The following PIK3CG variants were observed in gnomAD, a reference collection of about 807,000 sequenced individuals.
The protein encoded by PIK3CG is phosphatidylinositol 4,5-bisphosphate 3-kinase catalytic subunit gamma isoform.
In PIK3CG, 55 loss-of-function variants were observed where a neutral mutation model predicts 102.3. That is an observed-to-expected ratio of 0.54 (90% confidence interval 0.43 to 0.67). PIK3CG has a LOEUF of 0.67. Among genes scored for constraint, PIK3CG ranks in the 30% least tolerant of loss-of-function variants. The pLI, the probability that PIK3CG is intolerant of heterozygous loss-of-function variation, is 0.00. For missense variants in PIK3CG, 1,258 were observed against 1,391.8 expected (o/e 0.90, Z 1.53); for synonymous variants, 552 against 540.0 (o/e 1.02, Z -0.31).
intron 5 of PIK3CG, among the ~76,000 whole-genome samples, chr7:106,876,444 T>C (rs1790744083): frequency 6.7e-6 from 1 of 150,128 alleles, no homozygotes; most frequent in Admixed American, 6.7e-5. Context: ...CAGGGTGGAG[T>C]GCAGAGGCAC....
chr7:106,868,576 C>T lies in PIK3CG; in HGVS notation c.1015C>T (p.Leu339Phe). The T allele has an allele frequency of 1.2e-6, 2 of 1,614,184 alleles. No individual in the cohort carries two copies. The highest frequency in any genetic ancestry group is 1.7e-6 in the Non-Finnish European group (2 of 1,180,042). The stretch of plus-strand genomic sequence containing the variant: ...GGGAGTCACCGGCTACCATGAGCAG[C>T]TTACCATCCACGGCAAGGACCACGA... ...CTGVTGYHEQ[L>F]TIHGKDHESV... Residue 339 changes from leucine (L) to phenylalanine (F), a missense_variant, in exon 2 of 11, where the codon CTT becomes TTT. Physicochemically the swap from Leu to Phe is conservative, Grantham distance 22. Around this residue, in one of 2 missense-constraint regions of PIK3CG, gnomAD observed 832 missense variants for 787.5 expected, o/e 1.06. Transcript: ENST00000496166. The surrounding 1 kb of genome is among the most constrained non-coding windows in gnomAD (Gnocchi z 6.2).
chr7:106,870,929 C>T (rs1423368506), intron 2 of PIK3CG, among the ~76,000 whole-genome samples: 1 of 152,184 alleles, frequency 6.6e-6, no homozygotes, highest in Non-Finnish European at 1.5e-5. Context: ...AGTTTTCTAG[C>T]TCTCCATAAC....
chr7:106,873,092 C>T (rs995205948), intron 4 of PIK3CG, among the ~76,000 whole-genome samples, 154 bp downstream of exon 4: 1 of 152,102 alleles, frequency 6.6e-6, no homozygotes, highest in African/African-American at 2.4e-5. Flanking sequence ...ATGGAGTAAA[C>T]AAATTTAAAG....
Position 106,869,054 on chromosome 7 carries a change from A to G in PIK3CG, c.1493A>G (p.Asn498Ser), listed in dbSNP as rs1456189966. The G allele has an allele frequency of 1.2e-6, 2 of 1,614,206 alleles. No homozygotes were observed. Among genetic ancestry groups the G allele is most frequent in the East Asian group, 2.2e-5 (1 of 44,882 alleles). ...SGKGEDQGSF[N>S]ADKLTSATNP... ...AAGGGAGAAGACCAAGGAAGCTTCA[A>G]TGCTGACAAACTCACGTCTGCAACT... Residue 498 changes from asparagine (N) to serine (S), a missense_variant, in exon 2 of 11, where the codon AAT (asparagine) becomes AGT (serine). Asn to Ser is a conservative substitution (Grantham distance 46). Coordinates refer to ENST00000496166, the MANE Select transcript of PIK3CG (RefSeq NM_001282426.2). The surrounding 1 kb of genome is among the most constrained non-coding windows in gnomAD (Gnocchi z 5.3).
Position 106,867,449 on chromosome 7 carries a change from C to G in PIK3CG, c.-12-101C>G. 9.4e-7 allele frequency: 1 copy of G among 1,068,904 alleles called. No individual in the cohort carries two copies. Among genetic ancestry groups the G allele is most frequent in the Non-Finnish European group, 1.4e-6 (1 of 731,416 alleles). The allele number at this position is 1,068,904 out of a possible 1,614,324, so 66.2% of individuals were successfully genotyped here. Reference sequence around the variant, plus strand: ...TACTTGGTCCCTCTGGGTCCCTGTGCACATGTACGCCGCCTATACCTCCTC... The same window carrying G: ...TACTTGGTCCCTCTGGGTCCCTGTGGACATGTACGCCGCCTATACCTCCTC... On this transcript the variant is annotated intron_variant, in intron 1 of 10. Coordinates refer to ENST00000496166, the MANE Select transcript of PIK3CG (RefSeq NM_001282426.2). This position sits in a 1 kb window ranked among gnomAD's most constrained non-coding sequence, Gnocchi z 5.1.
At position 106,906,394 on chromosome 7, in the gene PIK3CG, T is replaced by C. The variant is rs926137400; in HGVS notation, c.*1007T>C. On this transcript the variant is annotated 3_prime_UTR_variant, in exon 11 of 11. Coordinates refer to ENST00000496166, the MANE Select transcript of PIK3CG (RefSeq NM_001282426.2). Reference sequence around the variant, plus strand: ...ATTAAAGGAGGCATTCTAGAAAATATGAATTAGTTTCCAAATGCCTTAATT... The same window carrying C: ...ATTAAAGGAGGCATTCTAGAAAATACGAATTAGTTTCCAAATGCCTTAATT... 1 of 230,232 alleles carries C rather than the reference T, an allele frequency of 4.3e-6. No homozygotes were observed. The highest frequency in any genetic ancestry group is 8.6e-6 in the Non-Finnish European group (1 of 116,348). 14.3% of individuals were successfully genotyped at this position (230,232 alleles called of 1,614,324 possible).
intron 10 of PIK3CG, among the ~76,000 whole-genome samples, chr7:106,889,173 C>T (rs1791203605): frequency 6.6e-6 from 1 of 152,152 alleles, no homozygotes; most frequent in Non-Finnish European, 1.5e-5. Context: ...TGTTCTGCTT[C>T]CCCTTCCCCA....
In PIK3CG at chr7:106,867,905, T is replaced by C; in HGVS notation, c.344T>C (p.Val115Ala). ...QWYEIYDKYQ[V>A]VQTLDCLRYW... ...TACGAGATCTACGACAAGTACCAGG[T>C]GGTGCAGACTCTGGACTGCCTGCGC... is the stretch of plus-strand genomic sequence containing the variant. Residue 115 changes from valine to alanine, a missense_variant, in exon 2 of 11, where the codon GTG becomes GCG. Physicochemically the swap from Val to Ala is moderately conservative, Grantham distance 64. This residue lies in a region of PIK3CG where 832 missense variants were observed against 787.5 expected (regional missense o/e 1.06). Transcript: ENST00000496166. This position sits in a 1 kb window ranked among gnomAD's most constrained non-coding sequence, Gnocchi z 5.1. The C allele has an allele frequency of 1.2e-6, 2 of 1,613,162 alleles. No homozygotes were observed. Among genetic ancestry groups the C allele is most frequent in the Non-Finnish European group, 1.7e-6 (2 of 1,179,942 alleles).
chr7:106,893,143 C>A lies in PIK3CG; in HGVS notation c.3030+6851C>A, dbSNP rs1273075535. On this transcript the variant is annotated intron_variant, in intron 10 of 10. Coordinates refer to ENST00000496166, the MANE Select transcript of PIK3CG (RefSeq NM_001282426.2). This position sits in a 1 kb window ranked among gnomAD's most constrained non-coding sequence, Gnocchi z 4.4. ...TAGGTCAAGCAGGAGATGACCAGTT[C>A]ATCTGTCACCCATAATGTACTGAGC... Among the ~76,000 whole-genome samples, 1 of 152,112 alleles carries A rather than the reference C, an allele frequency of 6.6e-6. No homozygotes were observed. Among genetic ancestry groups the A allele is most frequent in the East Asian group, 1.9e-4 (1 of 5,194 alleles).
Position 106,872,441 on chromosome 7 carries a change from C to T in PIK3CG, c.1996-96C>T. The T allele has an allele frequency of 1.1e-6, 1 of 929,236 alleles. No homozygotes were observed. The highest frequency in any genetic ancestry group is 1.4e-5 in the South Asian group (1 of 71,000). 57.6% of individuals were successfully genotyped at this position (929,236 alleles called of 1,614,324 possible). A position where few individuals can be genotyped will look rare whatever the true frequency, so the allele number is the denominator to read the frequency against. On this transcript the variant is annotated intron_variant, in intron 2 of 10. Transcript: ENST00000496166. The surrounding 1 kb of genome is among the most constrained non-coding windows in gnomAD (Gnocchi z 5.3). ...TTTTCATCTTTCTAGCCGTGAAGAC[C>T]CAGTAAAGCAGAGCACCAGTTCTTC...
intron 10 of PIK3CG, among the ~76,000 whole-genome samples, chr7:106,901,908 G>C (rs768327309): frequency 5.3e-5 from 8 of 152,160 alleles, no homozygotes; most frequent in Non-Finnish European, 1.2e-4. Flanking sequence ...GTAGACTCTT[G>C]CTTGGTTGTG....
intron 9 of PIK3CG, among the ~76,000 whole-genome samples, chr7:106,885,754 C>T (rs1791067821): frequency 6.6e-6 from 1 of 151,942 alleles, no homozygotes; most frequent in South Asian, 2.1e-4. Flanking sequence ...GGTGAATAAC[C>T]CCTGCCCCCA....
rs1791440355 is a variant in PIK3CG, at chr7:106,897,590, T to G, written c.3031-7519T>G. On this transcript the variant is annotated intron_variant, in intron 10 of 10. Transcript: ENST00000496166. This position sits in a 1 kb window ranked among gnomAD's most constrained non-coding sequence, Gnocchi z 4.6. ...TGTTTCCTTCCTTGTGTTCATAAGTTCTTATCATTTAGCTCCCACTTATAA... is the reference window on the plus strand; with the variant it reads ...TGTTTCCTTCCTTGTGTTCATAAGTGCTTATCATTTAGCTCCCACTTATAA... Among the ~76,000 whole-genome samples, 1 of 152,224 alleles carries G rather than the reference T, an allele frequency of 6.6e-6. No homozygotes were observed. Among genetic ancestry groups the G allele is most frequent in the Non-Finnish European group, 1.5e-5 (1 of 68,042 alleles).
In PIK3CG at chr7:106,893,564, A is replaced by T. The variant is rs1791321423; in HGVS notation, c.3030+7272A>T. On this transcript the variant is annotated intron_variant, in intron 10 of 10. Coordinates refer to ENST00000496166, the MANE Select transcript of PIK3CG (RefSeq NM_001282426.2). This position sits in a 1 kb window ranked among gnomAD's most constrained non-coding sequence, Gnocchi z 4.4. ...GGGACATTGTTTACCATATTACAAA[A>T]CATACTCTCTCTATTAAGATCTTCT... Among the ~76,000 whole-genome samples the T allele has an allele frequency of 6.6e-6, 1 of 152,212 alleles. No individual in the cohort carries two copies. Among genetic ancestry groups the T allele is most frequent in the African/African-American group, 2.4e-5 (1 of 41,452 alleles).
rs117046386 is a variant in PIK3CG, at chr7:106,872,108, G to A, written c.1996-429G>A. On this transcript the variant is annotated intron_variant, in intron 2 of 10. Coordinates refer to ENST00000496166, the MANE Select transcript of PIK3CG (RefSeq NM_001282426.2). This position sits in a 1 kb window ranked among gnomAD's most constrained non-coding sequence, Gnocchi z 5.3. Reference sequence around the variant, plus strand: ...ATCTAACAAATATTTTTCTCCTTACGTGTATTATACTATATCTCCACTGTC... The same window carrying A: ...ATCTAACAAATATTTTTCTCCTTACATGTATTATACTATATCTCCACTGTC... 8.5e-5 allele frequency among the ~76,000 whole-genome samples: 13 copies of A among 152,206 alleles called. No individual in the cohort carries two copies. In the East Asian group the frequency reaches 1.5e-3, roughly 18 times the overall value.
rs1791664273 is a variant in PIK3CG at position 106,905,491 on chromosome 7, C to A, written c.*104C>A. ...ATGCAATAGACATTGTGAAAGCTGG[C>A]ATTTCAGAAGTATAGCTCTTTTCCT... On this transcript the variant is annotated 3_prime_UTR_variant, in exon 11 of 11. Transcript: ENST00000496166. The surrounding 1 kb of genome is among the most constrained non-coding windows in gnomAD (Gnocchi z 5.6). 9.3e-7 allele frequency: 1 copy of A among 1,075,238 alleles called. No homozygotes were observed. The highest frequency in any genetic ancestry group is 1.5e-5 in the South Asian group (1 of 64,740). The allele number at this position is 1,075,238 out of a possible 1,614,324, so 66.6% of individuals were successfully genotyped here.
chr7:106,871,808 G>A (rs555159263), intron 2 of PIK3CG, among the ~76,000 whole-genome samples: 1 of 152,308 alleles, frequency 6.6e-6, no homozygotes, highest in Non-Finnish European at 1.5e-5. Context: ...CAGTAATGGA[G>A]CTGTACTAAG....
rs886269040 is a variant in PIK3CG, at chr7:106,893,815, C to G, written c.3030+7523C>G. ...GGCAATTTCGTCATTGTGTAAACAT[C>G]AGAGTGAACTTACACAAACCTAGGT... On this transcript the variant is annotated intron_variant, in intron 10 of 10. Coordinates refer to ENST00000496166, the MANE Select transcript of PIK3CG (RefSeq NM_001282426.2). The surrounding 1 kb of genome is among the most constrained non-coding windows in gnomAD (Gnocchi z 4.4). Among the ~76,000 whole-genome samples the G allele has an allele frequency of 6.6e-6, 1 of 152,160 alleles. No homozygotes were observed. The highest frequency in any genetic ancestry group is 2.4e-5 in the African/African-American group (1 of 41,416).
rs927625606 is a variant in PIK3CG, at chr7:106,902,382, G to T, written c.3031-2727G>T. ...TACAGTTCTGTGAATTTTGACAAATGCATCAGTCATGTAACCACCATCACA... is the reference window on the plus strand; with the variant it reads ...TACAGTTCTGTGAATTTTGACAAATTCATCAGTCATGTAACCACCATCACA... On this transcript the variant is annotated intron_variant, in intron 10 of 10. Transcript: ENST00000496166. This position sits in a 1 kb window ranked among gnomAD's most constrained non-coding sequence, Gnocchi z 4.3. Among the ~76,000 whole-genome samples the T allele has an allele frequency of 6.6e-6, 1 of 152,064 alleles. No individual in the cohort carries two copies. The highest frequency in any genetic ancestry group is 2.4e-5 in the African/African-American group (1 of 41,404).
Sources: gnomAD v4.1 joint callset for allele counts (sites outside exome capture counted in the v4.1 genomes callset) on GRCh38, gnomAD v4.1.1 for gene constraint, gnomAD v4.1.1 regional missense constraint, Gnocchi (gnomAD v3.1) non-coding constraint, MANE v1.5 for transcripts, NCBI Gene and HGNC (gene_info 2026-07-23, HGNC 2026-07-21) for gene names.